The following COL25A1 variants were observed in gnomAD, a reference collection of about 807,000 sequenced individuals.
The protein encoded by COL25A1 is collagen alpha-1(XXV) chain.
COL25A1 carries 103 observed loss-of-function variants against 128.4 expected under a neutral mutation model. That is an observed-to-expected ratio of 0.80 (90% CI 0.68 to 0.94). COL25A1 has a LOEUF of 0.94. COL25A1 is among the 40% of genes least tolerant of loss of function. The probability of loss-of-function intolerance (pLI) is 0.00; values close to 1 mark genes in which losing one functional copy is unlikely to be tolerated. For missense variants in COL25A1, 745 were observed against 840.0 expected, an observed-to-expected ratio of 0.89 and a Z score of 1.40; for synonymous variants, 279 against 277.2, an observed-to-expected ratio of 1.01 and a Z score of -0.06.
Position 108,852,939 on chromosome 4 carries a change from G to A in COL25A1, c.1321-14C>T, listed in dbSNP as rs986851302. On this transcript the variant is annotated splice_polypyrimidine_tract_variant and intron_variant, in intron 24 of 37. Transcript: ENST00000399132. ...GGTGGTAATCCTCTGTTGGGAAAAT[G>A]TGTTGACAAAGACAGAGTTATCTAT... is the stretch of plus-strand genomic sequence containing the variant. 6 of 1,607,876 alleles carry A rather than the reference G, an allele frequency of 3.7e-6. No individual in the cohort carries two copies. Among genetic ancestry groups the A allele is most frequent in the Admixed American group, 1.7e-5 (1 of 59,368 alleles).
At chr4:109,060,227 C>T (rs1041359295) in intron 3 of COL25A1, among the ~76,000 whole-genome samples, 4 of 152,178 alleles carry the variant, frequency 2.6e-5, no homozygotes, top group South Asian at 2.1e-4. Flanking sequence ...GCATCTGTGC[C>T]AGTAAAGGCA....
In COL25A1 at chr4:108,852,232, T is replaced by G. The variant is rs374549593; in HGVS notation, c.1389+4A>C. On this transcript the variant is annotated splice_donor_region_variant and intron_variant, in intron 26 of 37. Transcript: ENST00000399132. ...TAAATGGAAACAAGTAAATAAAGAA[T>G]AACCTTTGGCCCTTGTAGTCCTTGA... 1 of 1,605,310 alleles carries G rather than the reference T, an allele frequency of 6.2e-7. No individual in the cohort carries two copies. The highest frequency in any genetic ancestry group is 8.5e-7 in the Non-Finnish European group (1 of 1,174,832).
intron 11 of COL25A1, among the ~76,000 whole-genome samples, chr4:108,936,219 AC>A (rs1219011613): frequency 6.6e-6 from 1 of 152,106 alleles, no homozygotes; most frequent in African/African-American, 2.4e-5. Context: ...TTACATATGG[AC>A]TTTTTTCCGT....
At chr4:109,278,958 T>C (rs1242229124) in intron 3 of COL25A1, among the ~76,000 whole-genome samples, 2 of 152,162 alleles carry the variant, frequency 1.3e-5, no homozygotes, top group African/African-American at 2.4e-5. Flanking sequence ...TGTTCACACA[T>C]GGTGGAAGGG....
At position 108,874,483 on chromosome 4, in the gene COL25A1, T is replaced by C. The variant is rs551197900; in HGVS notation, c.1021-5333A>G. On this transcript the variant is annotated intron_variant, in intron 19 of 37. Coordinates refer to ENST00000399132, the MANE Select transcript of COL25A1 (RefSeq NM_198721.4). ...CCAGAGGGTTTTTTTTATTTTTCTT[T>C]TTTACTGGGCAATTACCTAAATTAC... Among the ~76,000 whole-genome samples, 3 of 152,274 alleles carry C rather than the reference T, an allele frequency of 2.0e-5. No individual in the cohort carries two copies. In the East Asian group the frequency reaches 5.8e-4, roughly 29 times the overall value.
intron 3 of COL25A1, among the ~76,000 whole-genome samples, chr4:109,242,044 G>A (rs1460708626): frequency 6.6e-6 from 1 of 151,908 alleles, no homozygotes; most frequent in East Asian, 1.9e-4. Flanking sequence ...AGGGCCCTGG[G>A]TCTGGAATAT....
intron 3 of COL25A1, among the ~76,000 whole-genome samples, chr4:109,095,675 A>C (rs1232902849): frequency 6.6e-6 from 1 of 152,206 alleles, no homozygotes; most frequent in Non-Finnish European, 1.5e-5. Flanking sequence ...TGCCCGTCTG[A>C]AAAGCCTTTG....
intron 8 of COL25A1, among the ~76,000 whole-genome samples, chr4:108,954,231 T>C (rs1749792086): frequency 6.6e-6 from 1 of 152,106 alleles, no homozygotes; most frequent in Admixed American, 6.5e-5. Context: ...TTCTGTGAAA[T>C]TAAATCTAAA....
intron 14 of COL25A1, among the ~76,000 whole-genome samples, chr4:108,900,536 T>A (rs1342056438): frequency 6.6e-6 from 1 of 152,200 alleles, no homozygotes; most frequent in African/African-American, 2.4e-5. Context: ...GTCCCCAATC[T>A]TTTTATATTT....
intron 5 of COL25A1, 26 bp downstream of exon 5, chr4:109,048,142 A>C: frequency 6.2e-7 from 1 of 1,611,060 alleles, no homozygotes; most frequent in Non-Finnish European, 8.5e-7. Flanking sequence ...AATGCAAACA[A>C]GCCAAAGTGC....
At chr4:108,896,541 G>A in intron 16 of COL25A1, 126 bp downstream of exon 16, 1 of 668,912 alleles carries the variant, frequency 1.5e-6, no homozygotes, top group East Asian at 2.7e-5. Context: ...TAATCTTGGA[G>A]AATGATCTCT....
intron 33 of COL25A1, among the ~76,000 whole-genome samples, chr4:108,825,853 TA>T (rs1732308746): frequency 6.6e-6 from 1 of 152,184 alleles, no homozygotes; most frequent in African/African-American, 2.4e-5. Context: ...TGTAAATGAA[TA>T]ATCCCCAAAT....
intron 3 of COL25A1, among the ~76,000 whole-genome samples, chr4:109,242,745 T>C (rs561727262): frequency 6.6e-6 from 1 of 152,240 alleles, no homozygotes; most frequent in Non-Finnish European, 1.5e-5. Context: ...AAGTTCCTTA[T>C]GCATAATAAT....
At chr4:109,272,909 T>C (rs1782293977) in intron 3 of COL25A1, among the ~76,000 whole-genome samples, 2 of 152,250 alleles carry the variant, frequency 1.3e-5, no homozygotes, top group East Asian at 3.9e-4. Flanking sequence ...TGGCTGGGTA[T>C]TAAGTACGGT....
chr4:109,251,251 T>C (rs1780627228), intron 3 of COL25A1, among the ~76,000 whole-genome samples: 1 of 152,224 alleles, frequency 6.6e-6, no homozygotes, highest in Non-Finnish European at 1.5e-5. Context: ...TGGTCATAGA[T>C]GGTATTGATA....
chr4:108,919,756 T>C (rs1745284459), intron 12 of COL25A1, among the ~76,000 whole-genome samples: 1 of 152,018 alleles, frequency 6.6e-6, no homozygotes, highest in South Asian at 2.1e-4. Flanking sequence ...CCATCAGAAT[T>C]TGAAAAAAAA....
rs1371788081 is a variant in COL25A1 at position 109,169,278 on chromosome 4, TC to T, written c.368-119100del. Among the ~76,000 whole-genome samples the T allele has an allele frequency of 2.6e-5, 4 of 152,318 alleles. No individual in the cohort carries two copies. The East Asian group carries it at 7.7e-4, about 29-fold the overall frequency. ...CTTAAAATTCTCTACTCCTCCATTCTCTGCCTGGCAAACTTCCTAATCTAGC... is the reference window on the plus strand; with the variant it reads ...CTTAAAATTCTCTACTCCTCCATTCTTGCCTGGCAAACTTCCTAATCTAGC... On this transcript the variant is annotated intron_variant, in intron 3 of 37. Transcript: ENST00000399132.
chr4:108,885,982 CAT>C (rs1740727179), intron 18 of COL25A1, among the ~76,000 whole-genome samples: 1 of 152,076 alleles, frequency 6.6e-6, no homozygotes, highest in Non-Finnish European at 1.5e-5. Context: ...GACACACACC[CAT>C]GTTTTTAATC....
In COL25A1 at chr4:108,977,111, A is replaced by G. The variant is rs1752512133; in HGVS notation, c.439-2552T>C. Among the ~76,000 whole-genome samples the G allele has an allele frequency of 3.3e-5, 5 of 152,140 alleles. 1 individual carries two copies. Among genetic ancestry groups the G allele is most frequent in the Admixed American group, 3.3e-4 (5 of 15,274 alleles). On this transcript the variant is annotated intron_variant, in intron 6 of 37. Transcript: ENST00000399132. ...GAACTAGAGTCTCAGAAAGAAGGAT[A>G]CCTATCTGGTGCCTGCCTTCAACAA...
Sources: gnomAD v4.1 joint callset for allele counts (sites outside exome capture counted in the v4.1 genomes callset) on GRCh38, gnomAD v4.1.1 for gene constraint, MANE v1.5 for transcripts, NCBI Gene and HGNC (gene_info 2026-07-23, HGNC 2026-07-21) for gene names.